LSAMP: variants seen among roughly 807,000 people sequenced by gnomAD.
The protein encoded by LSAMP is limbic system-associated membrane protein.
A neutral mutation model predicts 38.6 loss-of-function variants in LSAMP; 7 were observed. The observed-to-expected ratio is 0.18, with a 90% confidence interval of 0.10 to 0.34. LSAMP has a LOEUF of 0.34. LSAMP is among the 10% of genes least tolerant of loss of function. LSAMP has a pLI of 1.00. For synonymous variants in LSAMP, 154 were observed against 166.8 expected, an observed-to-expected ratio of 0.92 and a Z score of 0.59; for missense variants, 313 against 420.0, an observed-to-expected ratio of 0.75 and a Z score of 2.23.
chr3:116,393,630 C>T (rs1438553146), intron 1 of LSAMP, among the ~76,000 whole-genome samples: 1 of 152,186 alleles, frequency 6.6e-6, no homozygotes, highest in Non-Finnish European at 1.5e-5. Flanking sequence ...ACACCACTAA[C>T]CACAGAGTTT....
intron 3 of LSAMP, among the ~76,000 whole-genome samples, chr3:115,895,820 A>G (rs1353360248): frequency 6.6e-6 from 1 of 152,090 alleles, no homozygotes; most frequent in Non-Finnish European, 1.5e-5. Context: ...TTGAGGGGTT[A>G]CCTCTTTAAG....
intron 3 of LSAMP, among the ~76,000 whole-genome samples, chr3:115,921,772 T>C (rs975884880): frequency 7.2e-5 from 11 of 152,154 alleles, no homozygotes; most frequent in African/African-American, 2.7e-4. Flanking sequence ...TTTGTTTATA[T>C]GCAATGTCCT....
chr3:116,052,332 C>T (rs1411159911), intron 2 of LSAMP, among the ~76,000 whole-genome samples: 1 of 152,026 alleles, frequency 6.6e-6, no homozygotes, highest in African/African-American at 2.4e-5. Context: ...GGATGAACAC[C>T]CCAACTCAAA....
rs35263381 is a variant in LSAMP at position 115,854,282 on chromosome 3, ATTTTT to A, written c.515-1670_515-1666del. Among the ~76,000 whole-genome samples the A allele has an allele frequency of 2.0e-3, 209 of 107,018 alleles. 1 individual carries two copies. The highest frequency in any genetic ancestry group is 7.2e-3 in the African/African-American group (197 of 27,218). The allele number at this position is 107,018 out of a possible 152,430, so 70.2% of individuals were successfully genotyped here. ...TATTATTATTATTATTATTATTATT[ATTTTT>A]TTTTTTTTTTTTTGAGATGGAGTCC... is the stretch of plus-strand genomic sequence containing the variant. On this transcript the variant is annotated intron_variant, in intron 3 of 6. Transcript: ENST00000490035.
At chr3:115,880,552 G>T (rs1936294775) in intron 3 of LSAMP, among the ~76,000 whole-genome samples, 1 of 152,032 alleles carries the variant, frequency 6.6e-6, no homozygotes, top group African/African-American at 2.4e-5. Flanking sequence ...TTTAATAAAG[G>T]ACTACGCTGA....
At chr3:116,198,770 C>G (rs571864667) in intron 1 of LSAMP, among the ~76,000 whole-genome samples, 461 of 10,924 alleles carry the variant, frequency 0.042, 5 homozygotes, top group Middle Eastern at 0.083. Context: ...GACTCCGTCT[C>G]AGAAAAAAAA....
intron 1 of LSAMP, among the ~76,000 whole-genome samples, chr3:116,147,161 C>T (rs767834503): frequency 2.7e-4 from 41 of 151,892 alleles, no homozygotes; most frequent in Admixed American, 4.6e-4. Flanking sequence ...CTATGCTAAG[C>T]TTGACATACG....
intron 1 of LSAMP, among the ~76,000 whole-genome samples, chr3:116,284,655 A>G (rs1357876463): frequency 6.6e-6 from 1 of 152,150 alleles, no homozygotes; most frequent in African/African-American, 2.4e-5. Context: ...GGAAGGATAA[A>G]CCCTGCATTT....
At chr3:116,441,270 C>A (rs1490025823) in intron 1 of LSAMP, among the ~76,000 whole-genome samples, 1 of 152,058 alleles carries the variant, frequency 6.6e-6, no homozygotes, top group Non-Finnish European at 1.5e-5. Context: ...AATTTTATTA[C>A]CTTGAATTTA....
chr3:116,121,594 A>G (rs905478924), intron 1 of LSAMP, among the ~76,000 whole-genome samples: 2 of 152,196 alleles, frequency 1.3e-5, no homozygotes, highest in African/African-American at 4.8e-5. Context: ...ATTCCTCTTT[A>G]GGCAATACGA....
intron 1 of LSAMP, among the ~76,000 whole-genome samples, chr3:116,107,139 C>T (rs1012825565): frequency 5.3e-5 from 8 of 151,814 alleles, no homozygotes; most frequent in Admixed American, 1.3e-4. Flanking sequence ...GAATATCAGG[C>T]GGATCAGAGA....
intron 1 of LSAMP, among the ~76,000 whole-genome samples, chr3:116,167,443 AAC>A (rs1710087442): frequency 6.6e-6 from 1 of 152,246 alleles, no homozygotes; most frequent in South Asian, 2.1e-4. Context: ...TGACTATGTA[AAC>A]ACAATGAAGT....
intron 3 of LSAMP, among the ~76,000 whole-genome samples, chr3:115,966,922 G>A (rs1221843421): frequency 6.6e-6 from 1 of 152,130 alleles, no homozygotes; most frequent in South Asian, 2.1e-4. Context: ...CCTCCCTGGT[G>A]GCATCCTGAA....
At chr3:116,299,552 A>G (rs190370931) in intron 1 of LSAMP, among the ~76,000 whole-genome samples, 19 of 152,358 alleles carry the variant, frequency 1.2e-4, no homozygotes, top group Admixed American at 6.5e-4. Flanking sequence ...AATATAAATT[A>G]GGCTTGCTCT....
intron 1 of LSAMP, among the ~76,000 whole-genome samples, chr3:116,296,530 A>C (rs1452139282): frequency 1.3e-5 from 2 of 151,908 alleles, no homozygotes; most frequent in Non-Finnish European, 2.9e-5. Context: ...AAAAATACAA[A>C]AAATTAGCCG....
intron 3 of LSAMP, among the ~76,000 whole-genome samples, chr3:115,895,742 A>T (rs1296506350): frequency 6.6e-6 from 1 of 152,074 alleles, no homozygotes; most frequent in South Asian, 2.1e-4. Context: ...CTGTAAGACC[A>T]TATTTATCCA....
intron 1 of LSAMP, among the ~76,000 whole-genome samples, chr3:116,366,267 AC>A (rs1319429106): frequency 6.6e-6 from 1 of 152,156 alleles, no homozygotes; most frequent in Non-Finnish European, 1.5e-5. Flanking sequence ...ATAGGAAGTA[AC>A]TTTTTGTTTC....
At chr3:116,342,416 C>G (rs1337990540) in intron 1 of LSAMP, among the ~76,000 whole-genome samples, 1 of 152,034 alleles carries the variant, frequency 6.6e-6, no homozygotes, top group East Asian at 1.9e-4. Context: ...AATAGGGGAT[C>G]TGAACCAATT....
intron 3 of LSAMP, among the ~76,000 whole-genome samples, chr3:115,957,627 T>G (rs569696658): frequency 6.6e-6 from 1 of 152,296 alleles, no homozygotes; most frequent in African/African-American, 2.4e-5. Flanking sequence ...AGCTAGGAAA[T>G]TTGTATCTTC....
Sources: allele counts gnomAD v4.1 joint callset (sites outside exome capture counted in the v4.1 genomes callset), GRCh38; gene constraint gnomAD v4.1.1; transcripts MANE v1.5; gene names NCBI Gene and HGNC (gene_info 2026-07-23, HGNC 2026-07-21).